ZNF730: variants seen among roughly 807,000 people sequenced by gnomAD.
The protein encoded by ZNF730 is zinc finger protein 730, also known as putative zinc finger protein 730.
A neutral mutation model predicts 12.6 loss-of-function variants in ZNF730; 12 were observed. The ratio of observed to expected loss-of-function variants is 0.95; its 90% CI spans 0.61 to 1.54. The LOEUF (loss-of-function observed/expected upper bound fraction) is 1.54, where lower values mean the gene tolerates loss of function less well. Ranked by LOEUF, ZNF730 falls within the 40% of genes most tolerant of loss-of-function variation. The probability of loss-of-function intolerance (pLI) is 0.00; values close to 1 mark genes in which losing one functional copy is unlikely to be tolerated. For missense variants in ZNF730, 643 were observed against 583.5 expected, an observed-to-expected ratio of 1.10 and a Z score of -1.05; for synonymous variants, 194 against 195.8, an observed-to-expected ratio of 0.99 and a Z score of 0.08.
intron 1 of ZNF730, among the ~76,000 whole-genome samples, chr19:23,087,381 C>G (rs980970126): frequency 2.0e-5 from 3 of 151,848 alleles, no homozygotes; most frequent in Non-Finnish European, 2.9e-5. Flanking sequence ...GCACTCCAGC[C>G]TGGGAGACAG....
At chr19:23,087,501 C>T (rs907813249) in intron 1 of ZNF730, among the ~76,000 whole-genome samples, 16 of 152,018 alleles carry the variant, frequency 1.1e-4, no homozygotes, top group East Asian at 3.9e-4. Context: ...GCTTAAGGAG[C>T]TTATGGGCTG....
intron 1 of ZNF730, among the ~76,000 whole-genome samples, chr19:23,120,822 T>C (rs1568311518): frequency 6.6e-6 from 1 of 152,180 alleles, no homozygotes; most frequent in Non-Finnish European, 1.5e-5. Context: ...CTTTCTGATG[T>C]GAGCATCAAA....
At chr19:23,127,033 C>T (rs1599593035) in intron 1 of ZNF730, 2 of 515,490 alleles carry the variant, frequency 3.9e-6, no homozygotes, top group East Asian at 1.1e-4. Flanking sequence ...TCCCGAGTTC[C>T]TAAAGCATAT....
At chr19:23,128,114 G>T (rs774202629) in intron 1 of ZNF730, 1 of 880,836 alleles carries the variant, frequency 1.1e-6, no homozygotes, top group African/African-American at 1.6e-5. Flanking sequence ...TTGGATGTAG[G>T]CCTTGCCAGA....
chr19:23,085,731 G>A (rs1970049696), intron 1 of ZNF730, among the ~76,000 whole-genome samples: 2 of 148,646 alleles, frequency 1.3e-5, no homozygotes, highest in African/African-American at 4.9e-5. Context: ...GACCAGGCTA[G>A]TCTCGAACTG....
At position 23,127,919 on chromosome 19, in the gene ZNF730, A is replaced by G. The variant is rs73557564; in HGVS notation, c.4-6161A>G. On this transcript the variant is annotated intron_variant, in intron 1 of 3. Transcript: ENST00000597761. ...CGTAAACTGCCAAAATATGATGTGAAGGTTGGCCTAACCAATTACACTGCA... is the reference window on the plus strand; with the variant it reads ...CGTAAACTGCCAAAATATGATGTGAGGGTTGGCCTAACCAATTACACTGCA... The G allele has an allele frequency of 4.3e-3, 2,905 of 682,668 alleles. 76 individuals carry two copies. In the African/African-American group the frequency reaches 0.046, roughly 11 times the overall value. 42.3% of individuals were successfully genotyped at this position (682,668 alleles called of 1,614,324 possible).
chr19:23,097,991 A>G (rs1970280104), intron 1 of ZNF730, among the ~76,000 whole-genome samples: 1 of 152,044 alleles, frequency 6.6e-6, no homozygotes. Flanking sequence ...ATACAAAGAA[A>G]AAAATAGCCG....
intron 1 of ZNF730, among the ~76,000 whole-genome samples, chr19:23,102,329 G>A (rs1457085210): frequency 6.6e-6 from 1 of 152,110 alleles, no homozygotes; most frequent in Non-Finnish European, 1.5e-5. Context: ...TTCAGGTGAT[G>A]TGACACTCCT....
chr19:23,133,775 A>G (rs145363056), intron 1 of ZNF730, among the ~76,000 whole-genome samples: 38 of 152,182 alleles, frequency 2.5e-4, no homozygotes, highest in African/African-American at 7.9e-4. Context: ...AGTTTACACA[A>G]CTCTTTCTGT....
intron 1 of ZNF730, among the ~76,000 whole-genome samples, chr19:23,101,281 T>C (rs182945994): frequency 6.6e-6 from 1 of 152,240 alleles, no homozygotes; most frequent in African/African-American, 2.4e-5. Context: ...TAATTGACTC[T>C]CACGTGGATC....
intron 1 of ZNF730, among the ~76,000 whole-genome samples, chr19:23,092,011 G>A (rs536475319): frequency 1.5e-4 from 23 of 152,248 alleles, no homozygotes; most frequent in South Asian, 6.2e-4. Context: ...CAGAAGTCCC[G>A]TGTTTTGTGG....
chr19:23,079,668 T>C (rs1011329677), intron 1 of ZNF730, among the ~76,000 whole-genome samples: 1 of 152,200 alleles, frequency 6.6e-6, no homozygotes, highest in Non-Finnish European at 1.5e-5. Flanking sequence ...GTGTACAGTT[T>C]AGAAGTATTA....
At chr19:23,092,065 T>C (rs1970168890) in intron 1 of ZNF730, among the ~76,000 whole-genome samples, 1 of 152,148 alleles carries the variant, frequency 6.6e-6, no homozygotes. Flanking sequence ...GGCTGTTCTT[T>C]CCCATGCTAT....
rs753373041 is a variant in ZNF730 at position 23,146,192 on chromosome 19, TTAC to T, written c.1151_1153del (p.Thr384del). On this transcript the variant is annotated inframe_deletion, in exon 4 of 4. Transcript: ENST00000597761. ...AAAGCTTTTAACCAATCCTCAACTC[TTAC>T]TATACATAAGATAATTCATACTGTA... 24 of 1,609,616 alleles carry T rather than the reference TTAC, an allele frequency of 1.5e-5. No individual in the cohort carries two copies. The Admixed American group carries it at 4.0e-4, about 27-fold the overall frequency.
At chr19:23,114,504 TTTTA>T (rs1242949196), upstream of ZNF730, among the ~76,000 whole-genome samples, 1 of 32,998 alleles carries the variant, frequency 3.0e-5, no homozygotes, top group African/African-American at 4.9e-5. Context: ...TTTATTTTTA[TTTTA>T]TTTATTTTTA....
intron 1 of ZNF730, among the ~76,000 whole-genome samples, chr19:23,088,455 G>T (rs1970103320): frequency 6.6e-6 from 1 of 151,738 alleles, no homozygotes; most frequent in Non-Finnish European, 1.5e-5. Flanking sequence ...GGGTTTTTTT[G>T]TTTGTTTGTT....
At chr19:23,102,499 TA>T (rs1397959225) in intron 1 of ZNF730, among the ~76,000 whole-genome samples, 5 of 151,588 alleles carry the variant, frequency 3.3e-5, no homozygotes, top group East Asian at 1.9e-4. Context: ...TTATTTTATT[TA>T]TTTTTTTTAT....
upstream of ZNF730, among the ~76,000 whole-genome samples, chr19:23,112,447 G>C (rs1033362825): frequency 3.3e-5 from 5 of 152,154 alleles, no homozygotes; most frequent in African/African-American, 1.2e-4. Flanking sequence ...AGGCAGGCCA[G>C]GCACGGTGGC....
intron 3 of ZNF730, among the ~76,000 whole-genome samples, chr19:23,140,679 C>A (rs377541734): frequency 1.4e-5 from 2 of 140,178 alleles, no homozygotes; most frequent in East Asian, 2.2e-4. Context: ...TAAGGCCGGG[C>A]GTGGTGGCTC....
Sources: gnomAD v4.1 joint callset for allele counts (sites outside exome capture counted in the v4.1 genomes callset) on GRCh38, gnomAD v4.1.1 for gene constraint, MANE v1.5 for transcripts, NCBI Gene and HGNC (gene_info 2026-07-23, HGNC 2026-07-21) for gene names.